Variants in DNAH6 observed in about 807,000 individuals in gnomAD.
DNAH6 encodes the protein axonemal beta dynein heavy chain 6.
A neutral mutation model predicts 491.4 loss-of-function variants in DNAH6; 340 were observed. That is an observed-to-expected ratio of 0.69 (90% confidence interval 0.63 to 0.76). The LOEUF is 0.76. Ranked by LOEUF, DNAH6 falls within the 30% of genes least tolerant of loss-of-function variation. The pLI is 0.00. For missense variants in DNAH6, 4,443 were observed against 4,972.2 expected, an observed-to-expected ratio of 0.89 and a Z score of 3.20; for synonymous variants, 1,603 against 1,686.1, an observed-to-expected ratio of 0.95 and a Z score of 1.21.
chr2:84,466,122 C>T, the DNAH6 span, among the ~76,000 whole-genome samples: 7 of 152,162 alleles, frequency 4.6e-5, no homozygotes, highest in African/African-American at 1.7e-4. Flanking sequence ...GGCTCCTGGA[C>T]CTGTGAGAAC....
chr2:84,531,851 ATATTGTCATTCCTACCACTAC>A (rs1411309818), intron 4 of DNAH6, among the ~76,000 whole-genome samples: 1 of 152,058 alleles, frequency 6.6e-6, no homozygotes, highest in Non-Finnish European at 1.5e-5. Flanking sequence ...ACCCTTAATA[ATATTGTCATTCCTACCACTAC>A]TTTACTCGCT....
At position 84,637,244 on chromosome 2, in the gene DNAH6, A is replaced by T. The variant is rs956635250; in HGVS notation, c.4688A>T (p.Lys1563Met). The stretch of plus-strand genomic sequence containing the variant: ...TTCATGTTTGAGGGGCGGGAAATAA[A>T]GTTGGTGATGACTTGTGCAGCCTTC... ...SRFMFEGREI[K>M]LVMTCAAFIT... The change falls in exon 31 of 77, where the codon AAG becomes ATG. Residue 1563 changes from lysine to methionine, a missense_variant. By Grantham distance (95) the Lys-to-Met change is moderately conservative. This residue lies in a region of DNAH6 where 2,977 missense variants were observed against 3,296.6 expected (regional missense o/e 0.90). Transcript: ENST00000389394. The T allele has an allele frequency of 1.3e-6, 2 of 1,549,864 alleles. No homozygotes were observed. Among genetic ancestry groups the T allele is most frequent in the Admixed American group, 3.9e-5 (2 of 50,824 alleles).
intron 4 of DNAH6, among the ~76,000 whole-genome samples, chr2:84,543,762 T>C (rs1355749005): frequency 1.3e-5 from 2 of 152,166 alleles, no homozygotes; most frequent in Admixed American, 6.6e-5. Flanking sequence ...AATAAATATT[T>C]TGTTGGTGAT....
At chr2:84,788,078 A>G (rs1271209090) in intron 68 of DNAH6, among the ~76,000 whole-genome samples, 1 of 152,196 alleles carries the variant, frequency 6.6e-6, no homozygotes, top group African/African-American at 2.4e-5. Context: ...CATGTTTGAG[A>G]TGAAGGCAGC....
intron 3 of DNAH6, among the ~76,000 whole-genome samples, chr2:84,526,067 TG>T: frequency 6.6e-6 from 1 of 152,230 alleles, no homozygotes; most frequent in Admixed American, 6.5e-5. Flanking sequence ...AAGACCCTGG[TG>T]AAGAGCAATA....
In DNAH6 at chr2:84,573,473, A is replaced by G; in HGVS notation, c.1810A>G (p.Ile604Val). The G allele has an allele frequency of 6.3e-7, 1 of 1,580,968 alleles. No individual in the cohort carries two copies. Among genetic ancestry groups the G allele is most frequent in the Non-Finnish European group, 8.5e-7 (1 of 1,170,244 alleles). Residue 604 changes from isoleucine to valine, a missense_variant, in exon 12 of 77, where the codon ATT (isoleucine) becomes GTT (valine). By Grantham distance (29) the Ile-to-Val change is conservative. Around this residue, in one of 3 missense-constraint regions of DNAH6, gnomAD observed 2,977 missense variants for 3,296.6 expected, o/e 0.90. Transcript: ENST00000389394. ...HTIISQIKET[I>V]QAAFESARIY... ...GCTTATTTATAACATTTAGGAAACC[A>G]TTCAGGCCGCATTTGAATCAGCCCG...
Position 84,619,965 on chromosome 2 carries a change from C to T in DNAH6, c.3792+61C>T. On this transcript the variant is annotated intron_variant, in intron 24 of 76. Transcript: ENST00000389394. ...ACTTTGCTACTCCTCTAGGGTTATT[C>T]TCACTCTAAGCATACAGGTACTCTG... 31 of 1,373,822 alleles carry T rather than the reference C, an allele frequency of 2.3e-5. 1 individual carries two copies. In the South Asian group the frequency reaches 2.5e-4, roughly 11 times the overall value. 85.1% of individuals were successfully genotyped at this position (1,373,822 alleles called of 1,614,324 possible).
chr2:84,560,434 A>T (rs1410444765), intron 11 of DNAH6, among the ~76,000 whole-genome samples: 2 of 117,806 alleles, frequency 1.7e-5, no homozygotes, highest in Non-Finnish European at 3.6e-5. Context: ...GCTATACAAA[A>T]ATAGTTTTCT....
chr2:84,610,416 G>C (rs1469396506), intron 21 of DNAH6, among the ~76,000 whole-genome samples: 1 of 152,132 alleles, frequency 6.6e-6, no homozygotes, highest in East Asian at 1.9e-4. Flanking sequence ...GGATTACACA[G>C]GGATGTGAAT....
chr2:84,514,800 C>T (rs1274243083), upstream of DNAH6, among the ~76,000 whole-genome samples: 3 of 150,124 alleles, frequency 2.0e-5, no homozygotes, highest in African/African-American at 7.4e-5. Context: ...AGTAGTGTTT[C>T]ATATAGTAAT....
chr2:84,596,899 T>C (rs1038470026), intron 18 of DNAH6, among the ~76,000 whole-genome samples: 1 of 152,342 alleles, frequency 6.6e-6, no homozygotes, highest in East Asian at 1.9e-4. Flanking sequence ...CTGCATTCCA[T>C]CTTGGGTTCC....
At chr2:84,592,580 G>A (rs1319282045) in intron 16 of DNAH6, among the ~76,000 whole-genome samples, 2 of 152,128 alleles carry the variant, frequency 1.3e-5, no homozygotes, top group Non-Finnish European at 2.9e-5. Context: ...TCCCATTTAT[G>A]GGCATATATC....
chr2:84,479,796 AC>A, the DNAH6 span, among the ~76,000 whole-genome samples: 1 of 152,118 alleles, frequency 6.6e-6, no homozygotes, highest in Non-Finnish European at 1.5e-5. Flanking sequence ...GAAGAGAATA[AC>A]CCCCCTTGTT....
At chr2:84,647,411 C>T (rs1690003200) in intron 33 of DNAH6, among the ~76,000 whole-genome samples, 1 of 152,092 alleles carries the variant, frequency 6.6e-6, no homozygotes, top group Non-Finnish European at 1.5e-5. Context: ...GAAGATGATG[C>T]CATATAGGAC....
chr2:84,686,439 C>T lies in DNAH6; in HGVS notation c.7064-45C>T, dbSNP rs1694263318. 2.7e-6 allele frequency: 3 copies of T among 1,096,392 alleles called. No individual in the cohort carries two copies. In the South Asian group the frequency reaches 4.3e-5, roughly 16 times the overall value. 67.9% of individuals were successfully genotyped at this position (1,096,392 alleles called of 1,614,324 possible). On this transcript the variant is annotated intron_variant, in intron 43 of 76. Transcript: ENST00000389394. ...TGTTTTATCACTAAAATATTCCATT[C>T]AAGATTATCATTATATTTAAAACTT... is the stretch of plus-strand genomic sequence containing the variant.
At chr2:84,813,256 A>C (rs1310298073) in intron 74 of DNAH6, 126 bp downstream of exon 74, 9 of 712,004 alleles carry the variant, frequency 1.3e-5, no homozygotes, top group Non-Finnish European at 1.9e-5. Context: ...TCATAGGGCA[A>C]TCTAACAAGG....
the DNAH6 span, among the ~76,000 whole-genome samples, chr2:84,489,524 C>A: frequency 6.6e-6 from 1 of 152,146 alleles, no homozygotes; most frequent in African/African-American, 2.4e-5. Flanking sequence ...AGGCCCCAAG[C>A]GATATCTTCA....
chr2:84,785,037 C>A (rs557207667), intron 66 of DNAH6, among the ~76,000 whole-genome samples: 1 of 152,260 alleles, frequency 6.6e-6, no homozygotes, highest in Admixed American at 6.5e-5. Flanking sequence ...CCAGCCGTCA[C>A]CCTCACAAGA....
chr2:84,473,061 C>T, the DNAH6 span, among the ~76,000 whole-genome samples: 26 of 152,090 alleles, frequency 1.7e-4, 1 homozygote, highest in African/African-American at 5.8e-4. Flanking sequence ...GAGGCTTTTC[C>T]ATTACTAGAT....
Sources: allele counts gnomAD v4.1 joint callset (sites outside exome capture counted in the v4.1 genomes callset), GRCh38; gene constraint gnomAD v4.1.1; regional missense constraint gnomAD v4.1.1; transcripts MANE v1.5; gene names NCBI Gene and HGNC (gene_info 2026-07-23, HGNC 2026-07-21).